Variants in TENM3 observed in about 807,000 individuals in gnomAD.
TENM3 encodes the protein teneurin transmembrane protein 3, also known as teneurin-3.
Under a neutral mutation model 255.1 loss-of-function variants are expected in TENM3, and 63 were observed. The ratio of observed to expected loss-of-function variants is 0.25; its 90% confidence interval spans 0.20 to 0.30. The LOEUF (loss-of-function observed/expected upper bound fraction) is 0.30, where lower values mean the gene tolerates loss of function less well. Ranked by LOEUF, TENM3 falls within the 10% of genes least tolerant of loss-of-function variation. The pLI is 1.00. For synonymous variants in TENM3, 1,306 were observed against 1,322.3 expected, an observed-to-expected ratio of 0.99 and a Z score of 0.27; for missense variants, 2,929 against 3,461.1, an observed-to-expected ratio of 0.85 and a Z score of 3.86.
chr4:181,761,109 T>A, the TENM3 span, among the ~76,000 whole-genome samples: 1 of 152,048 alleles, frequency 6.6e-6, no homozygotes, highest in Non-Finnish European at 1.5e-5. Flanking sequence ...AACGTCTCTA[T>A]ATTGTCAGTT....
chr4:182,517,476 C>T (rs1299908885), intron 3 of TENM3, among the ~76,000 whole-genome samples: 2 of 132,538 alleles, frequency 1.5e-5, no homozygotes, highest in Admixed American at 7.6e-5. Context: ...CTCCGCCTCC[C>T]GGGTTCACGC....
At chr4:182,534,655 C>T (rs896910106) in intron 3 of TENM3, among the ~76,000 whole-genome samples, 8 of 152,076 alleles carry the variant, frequency 5.3e-5, no homozygotes, top group Admixed American at 6.5e-5. Flanking sequence ...CTTGTTTCTT[C>T]GAAATATTAA....
At position 182,466,711 on chromosome 4, in the gene TENM3, T is replaced by G. The variant is rs1732629451; in HGVS notation, c.511+119782T>G. Among the ~76,000 whole-genome samples, 5 of 152,092 alleles carry G rather than the reference T, an allele frequency of 3.3e-5. No homozygotes were observed. In the South Asian group the frequency reaches 8.3e-4, roughly 25 times the overall value. ...TCCAGAATGACCTCATCTTAACCAA[T>G]TATACGCCAAGGACCATATTTCCAA... is the stretch of plus-strand genomic sequence containing the variant. On this transcript the variant is annotated intron_variant, in intron 3 of 27. Transcript: ENST00000511685.
At chr4:181,525,495 C>A in the TENM3 span, among the ~76,000 whole-genome samples, 1 of 151,290 alleles carries the variant, frequency 6.6e-6, no homozygotes, top group Non-Finnish European at 1.5e-5. Flanking sequence ...GGCTGAGGAG[C>A]TGCTAACTGA....
At chr4:182,634,091 A>G (rs571305330) in intron 5 of TENM3, among the ~76,000 whole-genome samples, 1 of 152,298 alleles carries the variant, frequency 6.6e-6, no homozygotes, top group Admixed American at 6.5e-5. Context: ...TATGAGTAGC[A>G]CAGGTCTAGG....
rs143167160 is a variant in TENM3 at position 182,399,892 on chromosome 4, C to T, written c.511+52963C>T. On this transcript the variant is annotated intron_variant, in intron 3 of 27. Coordinates refer to ENST00000511685, the MANE Select transcript of TENM3 (RefSeq NM_001080477.4). ...GCTGTTTGTAACTATTGTAAATATT[C>T]CTAGCTTTGCAGAGTCTTGGTGGTG... Among the ~76,000 whole-genome samples the T allele has an allele frequency of 2.6e-3, 390 of 151,930 alleles. 9 individuals carry two copies. In the South Asian group the frequency reaches 0.036, roughly 14 times the overall value.
intron 3 of TENM3, among the ~76,000 whole-genome samples, chr4:182,426,007 C>CAAAAAAAACAAAAAAAAAAAA (rs1771184770): frequency 1.1e-5 from 1 of 90,762 alleles, no homozygotes; most frequent in African/African-American, 4.4e-5. Flanking sequence ...GAGTCCATGT[C>CAAAAAAAACAAAAAAAAAAAA]AAAAAAAAAA....
At chr4:182,461,840 A>T (rs1018529921) in intron 3 of TENM3, among the ~76,000 whole-genome samples, 6 of 152,268 alleles carry the variant, frequency 3.9e-5, no homozygotes, top group African/African-American at 1.4e-4. Context: ...AGACCAAGTG[A>T]CTGTTTTGAA....
rs1021671160 is a variant in TENM3, at chr4:182,690,966, C to T, written c.2221+2615C>T. Among the ~76,000 whole-genome samples, 2 of 152,198 alleles carry T rather than the reference C, an allele frequency of 1.3e-5. 1 individual carries two copies. The highest frequency in any genetic ancestry group is 1.3e-4 in the Admixed American group (2 of 15,280). On this transcript the variant is annotated intron_variant, in intron 12 of 27. Coordinates refer to ENST00000511685, the MANE Select transcript of TENM3 (RefSeq NM_001080477.4). ...GGACCTGCTTCATTTACAAATAAAT[C>T]TTAGATGTGAACCTTTTAAAAGATG...
At chr4:181,965,013 A>G in the TENM3 span, among the ~76,000 whole-genome samples, 1 of 152,228 alleles carries the variant, frequency 6.6e-6, no homozygotes, top group Non-Finnish European at 1.5e-5. Context: ...GAAAGGCGAC[A>G]GAACCTAAAA....
At chr4:182,175,956 G>A (rs1030111041) in intron 1 of TENM3, among the ~76,000 whole-genome samples, 3 of 150,676 alleles carry the variant, frequency 2.0e-5, no homozygotes, top group African/African-American at 4.9e-5. Context: ...CGGTAGCTCC[G>A]GCCATTTAGT....
chr4:182,618,877 A>G (rs1203919695), intron 4 of TENM3, among the ~76,000 whole-genome samples: 2 of 152,242 alleles, frequency 1.3e-5, no homozygotes, highest in African/African-American at 4.8e-5. Context: ...GCAATAAAAG[A>G]AAAAGAAGAG....
At chr4:182,270,185 C>G (rs1759524012) in intron 1 of TENM3, among the ~76,000 whole-genome samples, 3 of 152,130 alleles carry the variant, frequency 2.0e-5, no homozygotes, top group Admixed American at 2.0e-4. Context: ...TGGCAACTGT[C>G]TCTTCAGACC....
chr4:182,011,042 T>C, the TENM3 span, among the ~76,000 whole-genome samples: 2 of 152,338 alleles, frequency 1.3e-5, no homozygotes, highest in South Asian at 4.1e-4. Flanking sequence ...AGATTAAATG[T>C]CTACAGTCTC....
intron 1 of TENM3, among the ~76,000 whole-genome samples, chr4:182,296,345 C>G (rs1761497077): frequency 6.6e-6 from 1 of 152,168 alleles, no homozygotes; most frequent in Admixed American, 6.5e-5. Flanking sequence ...GATCTCTGAT[C>G]AAAGTTGATC....
intron 3 of TENM3, among the ~76,000 whole-genome samples, chr4:182,438,487 T>G (rs1468891749): frequency 3.3e-5 from 5 of 152,330 alleles, no homozygotes; most frequent in African/African-American, 1.2e-4. Flanking sequence ...ATTTAAGGCC[T>G]TTCTCACTAA....
In TENM3 at chr4:182,540,754, C is replaced by A. The variant is rs533446804; in HGVS notation, c.512-60170C>A. Among the ~76,000 whole-genome samples, 164 of 152,214 alleles carry A rather than the reference C, an allele frequency of 1.1e-3. 1 individual carries two copies. Among genetic ancestry groups the A allele is most frequent in the Middle Eastern group, 0.01 (3 of 294 alleles). Reference sequence around the variant, plus strand: ...GATAGCTCGGTGAAAAAAATAGATGCATATACATATATGGCTTCTGCTCTC... The same window carrying A: ...GATAGCTCGGTGAAAAAAATAGATGAATATACATATATGGCTTCTGCTCTC... On this transcript the variant is annotated intron_variant, in intron 3 of 27. Coordinates refer to ENST00000511685, the MANE Select transcript of TENM3 (RefSeq NM_001080477.4).
chr4:182,642,358 G>A (rs1752389518), intron 5 of TENM3, among the ~76,000 whole-genome samples: 1 of 152,216 alleles, frequency 6.6e-6, no homozygotes, highest in South Asian at 2.1e-4. Context: ...AGCATTGGCT[G>A]TCAAAGGCAG....
At chr4:182,679,401 T>C (rs1436638626) in intron 7 of TENM3, among the ~76,000 whole-genome samples, 1 of 152,086 alleles carries the variant, frequency 6.6e-6, no homozygotes. Flanking sequence ...GATCAGTCAG[T>C]AGAATTAAAT....
Sources: gnomAD v4.1 joint callset for allele counts (sites outside exome capture counted in the v4.1 genomes callset) on GRCh38, gnomAD v4.1.1 for gene constraint, MANE v1.5 for transcripts, NCBI Gene and HGNC (gene_info 2026-07-23, HGNC 2026-07-21) for gene names.